SHOC2: variants seen among roughly 807,000 people sequenced by gnomAD.
SHOC2 encodes the protein leucine-rich repeat protein SHOC-2.
A neutral mutation model predicts 50.2 loss-of-function variants in SHOC2; 4 were observed. That is an observed-to-expected ratio of 0.08 (90% CI 0.04 to 0.18). SHOC2 has a LOEUF of 0.18. SHOC2 is among the 10% of genes least tolerant of loss of function. The pLI is 1.00. For missense variants in SHOC2, 388 were observed against 669.6 expected (o/e 0.58, Z 4.64); for synonymous variants, 218 against 244.5 (o/e 0.89, Z 1.01).
chr10:110,928,916 T>A (rs183385953), intron 1 of SHOC2, among the ~76,000 whole-genome samples: 41 of 152,218 alleles, frequency 2.7e-4, no homozygotes, highest in African/African-American at 9.4e-4. Flanking sequence ...GCTGTATAAC[T>A]CCTGTAGAGT....
chr10:110,970,411 A>G (rs1847757362), intron 2 of SHOC2, among the ~76,000 whole-genome samples: 1 of 152,144 alleles, frequency 6.6e-6, no homozygotes, highest in Non-Finnish European at 1.5e-5. Context: ...TTCATTGTGT[A>G]TATATACCAC....
intron 1 of SHOC2, among the ~76,000 whole-genome samples, chr10:110,955,293 A>G (rs551491507): frequency 4.9e-4 from 75 of 152,326 alleles, no homozygotes; most frequent in African/African-American, 1.7e-3. Context: ...CATTTTGACT[A>G]AAGTCCACCA....
chr10:111,009,780 C>T lies in SHOC2; in HGVS notation c.1490C>T (p.Thr497Ile). The T allele has an allele frequency of 6.2e-7, 1 of 1,613,262 alleles. No individual in the cohort carries two copies. Among genetic ancestry groups the T allele is most frequent in the Non-Finnish European group, 8.5e-7 (1 of 1,179,354 alleles). ...GGCATTGGTCACCTTACTAATCTCACACATCTGGGCCTTGGAGAGAACCTA... is the reference window on the plus strand; with the variant it reads ...GGCATTGGTCACCTTACTAATCTCATACATCTGGGCCTTGGAGAGAACCTA... ...PRGIGHLTNL[T>I]HLGLGENLLT... The change falls in exon 8 of 9, where the codon ACA becomes ATA. Residue 497 changes from threonine (T) to isoleucine (I), a missense_variant. This residue lies in a region of SHOC2 where 130 missense variants were observed against 208.6 expected (regional missense o/e 0.62). Transcript: ENST00000369452.
At chr10:110,992,789 A>T (rs557419281) in intron 3 of SHOC2, among the ~76,000 whole-genome samples, 1 of 152,200 alleles carries the variant, frequency 6.6e-6, no homozygotes, top group African/African-American at 2.4e-5. Flanking sequence ...GGTTTTTAAC[A>T]TTCAGGAATT....
chr10:110,922,157 C>T (rs1217594011), intron 1 of SHOC2, among the ~76,000 whole-genome samples: 1 of 151,990 alleles, frequency 6.6e-6, no homozygotes, highest in Non-Finnish European at 1.5e-5. Context: ...GGAATTACGC[C>T]TTTAAAATGT....
intron 1 of SHOC2, among the ~76,000 whole-genome samples, chr10:110,949,670 G>A (rs1258838336): frequency 6.6e-6 from 1 of 152,086 alleles, no homozygotes; most frequent in Non-Finnish European, 1.5e-5. Flanking sequence ...TAACGTAGAC[G>A]CAGAAATCCT....
intron 1 of SHOC2, among the ~76,000 whole-genome samples, chr10:110,937,504 G>A (rs552163283): frequency 6.6e-6 from 1 of 152,106 alleles, no homozygotes; most frequent in African/African-American, 2.4e-5. Flanking sequence ...TATGGTTAGG[G>A]ATATGTCTTA....
chr10:110,940,797 C>T (rs868507949), intron 1 of SHOC2, among the ~76,000 whole-genome samples: 17 of 151,486 alleles, frequency 1.1e-4, no homozygotes, highest in Admixed American at 2.6e-4. Flanking sequence ...AATTGGTATA[C>T]GTTTTTTAGA....
At chr10:110,939,525 G>A (rs1183895389) in intron 1 of SHOC2, among the ~76,000 whole-genome samples, 3 of 152,166 alleles carry the variant, frequency 2.0e-5, no homozygotes, top group Non-Finnish European at 4.4e-5. Flanking sequence ...GAGATGGAAA[G>A]CTAGGTGGTA....
chr10:110,984,131 A>G (rs79458190), intron 2 of SHOC2, among the ~76,000 whole-genome samples: 3,256 of 152,276 alleles, frequency 0.021, 125 homozygotes, highest in African/African-American at 0.075. Flanking sequence ...GCAATGCACA[A>G]AGGTTCCGAT....
intron 3 of SHOC2, among the ~76,000 whole-genome samples, chr10:110,999,497 G>A (rs1430345684): frequency 6.6e-6 from 1 of 151,948 alleles, no homozygotes; most frequent in Non-Finnish European, 1.5e-5. Flanking sequence ...CAGCACTTTG[G>A]GAGGCCAAGG....
In SHOC2 at chr10:110,937,032, G is replaced by A. The variant is rs781520759; in HGVS notation, c.-235+17375G>A. On this transcript the variant is annotated intron_variant, in intron 1 of 8. Transcript: ENST00000369452. Reference sequence around the variant, plus strand: ...GGGGCCCGGAAGTGGTAGGGGCGTCGGAAAGGGTTGGTGTTCATCCGCTTG... The same window carrying A: ...GGGGCCCGGAAGTGGTAGGGGCGTCAGAAAGGGTTGGTGTTCATCCGCTTG... 15 of 1,482,014 alleles carry A rather than the reference G, an allele frequency of 1.0e-5. No individual in the cohort carries two copies. The African/African-American group carries it at 1.4e-4, about 14-fold the overall frequency. 91.8% of individuals were successfully genotyped at this position (1,482,014 alleles called of 1,614,324 possible).
rs140335266 is a variant in SHOC2, at chr10:110,930,189, A to G, written c.-235+10532A>G. 1.0e-2 allele frequency among the ~76,000 whole-genome samples: 1,518 copies of G among 152,340 alleles called. 20 individuals carry two copies. The highest frequency in any genetic ancestry group is 0.054 in the Middle Eastern group (16 of 294). On this transcript the variant is annotated intron_variant, in intron 1 of 8. Transcript: ENST00000369452. Reference sequence around the variant, plus strand: ...CAGAATGGTAGATAAATAGTTGAACATAGAGGTCTTTTAAAGTCTCAGAAA... The same window carrying G: ...CAGAATGGTAGATAAATAGTTGAACGTAGAGGTCTTTTAAAGTCTCAGAAA...
rs541549045 is a variant in SHOC2, at chr10:110,979,469, G to A, written c.704-6159G>A. ...ATATAACGTATACAATTATTCATGA[G>A]GCAGGGCCATTGGGGGTTATCTTAG... On this transcript the variant is annotated intron_variant, in intron 2 of 8. Transcript: ENST00000369452. Among the ~76,000 whole-genome samples, 7 of 152,280 alleles carry A rather than the reference G, an allele frequency of 4.6e-5. 1 individual carries two copies. The East Asian group carries it at 1.2e-3, about 25-fold the overall frequency.
intron 2 of SHOC2, among the ~76,000 whole-genome samples, chr10:110,981,623 G>GT (rs1377742648): frequency 6.6e-6 from 1 of 152,090 alleles, no homozygotes; most frequent in Non-Finnish European, 1.5e-5. Context: ...ATTCCCCACT[G>GT]TTTCTAAATT....
Position 110,953,703 on chromosome 10 carries a change from G to T in SHOC2, c.-234-10422G>T, listed in dbSNP as rs547361767. 3.3e-3 allele frequency among the ~76,000 whole-genome samples: 494 copies of T among 150,982 alleles called. 26 individuals are homozygous for T. The South Asian group carries it at 0.093, about 28-fold the overall frequency. On this transcript the variant is annotated intron_variant, in intron 1 of 8. Coordinates refer to ENST00000369452, the MANE Select transcript of SHOC2 (RefSeq NM_007373.4). ...AGTTACAGTAAATCTTTGAGAGAGA[G>T]ATATATATATACACACACACACACG...
chr10:110,955,856 C>T (rs1847451245), intron 1 of SHOC2, among the ~76,000 whole-genome samples: 1 of 152,052 alleles, frequency 6.6e-6, no homozygotes, highest in Non-Finnish European at 1.5e-5. Flanking sequence ...AACAAAGTTC[C>T]TGTTCTCGTT....
At chr10:110,929,510 A>G (rs1846845381) in intron 1 of SHOC2, among the ~76,000 whole-genome samples, 1 of 152,222 alleles carries the variant, frequency 6.6e-6, no homozygotes, top group African/African-American at 2.4e-5. Flanking sequence ...CTATAATAAA[A>G]TACCATAGAC....
chr10:110,960,612 A>C (rs1283857442), intron 1 of SHOC2, among the ~76,000 whole-genome samples: 1 of 152,192 alleles, frequency 6.6e-6, no homozygotes, highest in African/African-American at 2.4e-5. Context: ...AGTTTTCATA[A>C]TTTGGAATAT....
Sources: allele counts gnomAD v4.1 joint callset (sites outside exome capture counted in the v4.1 genomes callset), GRCh38; gene constraint gnomAD v4.1.1; regional missense constraint gnomAD v4.1.1; transcripts MANE v1.5; gene names NCBI Gene and HGNC (gene_info 2026-07-23, HGNC 2026-07-21).